EFCAB5: variants seen among roughly 807,000 people sequenced by gnomAD.
EFCAB5 encodes EF-hand calcium-binding domain-containing protein 5.
Under a neutral mutation model 167.9 loss-of-function variants are expected in EFCAB5, and 131 were observed. The ratio of observed to expected loss-of-function variants is 0.78; its 90% CI spans 0.68 to 0.90. EFCAB5 has a LOEUF of 0.90. Ranked by LOEUF, EFCAB5 falls within the 40% of genes least tolerant of loss-of-function variation. The pLI is 0.00. For missense variants in EFCAB5, 1,663 were observed against 1,745.2 expected (o/e 0.95, Z 0.84); for synonymous variants, 574 against 602.8 (o/e 0.95, Z 0.70).
intron 7 of EFCAB5, among the ~76,000 whole-genome samples, chr17:30,021,407 T>G (rs1303669414): frequency 2.0e-5 from 3 of 147,470 alleles, no homozygotes; most frequent in Admixed American, 6.8e-5. Context: ...AGCATGTATT[T>G]GTGTGTTGTT....
chr17:30,012,932 C>T (rs1217673938), intron 7 of EFCAB5, among the ~76,000 whole-genome samples: 2 of 152,188 alleles, frequency 1.3e-5, no homozygotes, highest in Non-Finnish European at 2.9e-5. Context: ...ATGATATTGG[C>T]TGTGGGTTTG....
chr17:30,068,788 C>A (rs1008117338), intron 14 of EFCAB5: 82 of 1,350,498 alleles, frequency 6.1e-5, no homozygotes, highest in Admixed American at 5.6e-4. Flanking sequence ...CAGCCGGGCC[C>A]GCGAAATGAT....
intron 8 of EFCAB5, among the ~76,000 whole-genome samples, chr17:30,050,246 T>G (rs2070050961): frequency 6.6e-6 from 1 of 152,084 alleles, no homozygotes; most frequent in Admixed American, 6.6e-5. Context: ...GTGATTCTCC[T>G]GCCTCAGCCT....
intron 8 of EFCAB5, 138 bp from the exon 9 acceptor site, chr17:30,050,980 G>T: frequency 2.9e-6 from 2 of 678,998 alleles, no homozygotes; most frequent in Non-Finnish European, 2.5e-6. Context: ...TCTTGATTTT[G>T]ATGCTGCAGC....
intron 4 of EFCAB5, among the ~76,000 whole-genome samples, chr17:29,991,614 T>C (rs193085605): frequency 6.6e-6 from 1 of 152,358 alleles, no homozygotes; most frequent in East Asian, 1.9e-4. Flanking sequence ...TGGGCCAGGT[T>C]TCCTTGCCCT....
chr17:29,938,272 TA>T (rs1377808334), upstream of EFCAB5, among the ~76,000 whole-genome samples: 5 of 151,778 alleles, frequency 3.3e-5, no homozygotes, highest in Admixed American at 2.0e-4. Context: ...GGATTATGTC[TA>T]AAAAATGTGC....
intron 4 of EFCAB5, among the ~76,000 whole-genome samples, chr17:29,982,077 T>C (rs2068187621): frequency 2.0e-5 from 3 of 152,224 alleles, no homozygotes; most frequent in Non-Finnish European, 4.4e-5. Flanking sequence ...ATTTCATATA[T>C]GGATTTTTAA....
intron 7 of EFCAB5, among the ~76,000 whole-genome samples, chr17:30,019,634 C>T (rs1490954414): frequency 6.6e-6 from 1 of 151,880 alleles, no homozygotes; most frequent in Non-Finnish European, 1.5e-5. Flanking sequence ...TTAGTAGAGA[C>T]GGGGTTTTCC....
At chr17:30,068,503 A>G in intron 14 of EFCAB5, 1 of 550,798 alleles carries the variant, frequency 1.8e-6, no homozygotes. Context: ...AGAGGACACC[A>G]AAAAATGGAA....
At chr17:29,981,093 CTT>C (rs1211404897) in intron 4 of EFCAB5, among the ~76,000 whole-genome samples, 1 of 152,198 alleles carries the variant, frequency 6.6e-6, no homozygotes, top group Non-Finnish European at 1.5e-5. Flanking sequence ...ATCCAGTTGC[CTT>C]CTTCCAATCT....
intron 22 of EFCAB5, among the ~76,000 whole-genome samples, chr17:30,097,125 C>T (rs937744695): frequency 1.3e-5 from 2 of 150,324 alleles, no homozygotes; most frequent in African/African-American, 4.9e-5. Context: ...GGCGCGATCT[C>T]GGCTCACCGC....
chr17:30,003,389 C>G (rs1014771774), intron 7 of EFCAB5, among the ~76,000 whole-genome samples: 1 of 152,018 alleles, frequency 6.6e-6, no homozygotes, highest in African/African-American at 2.4e-5. Flanking sequence ...TCATGCACCA[C>G]CATATAAGGC....
chr17:30,083,107 G>A (rs1453771005), intron 18 of EFCAB5, 64 bp downstream of exon 18: 5 of 1,500,294 alleles, frequency 3.3e-6, no homozygotes, highest in Non-Finnish European at 4.5e-6. Context: ...GTTATTTCTT[G>A]CTAATATTTG....
rs574739485 is a variant in EFCAB5 at position 30,058,133 on chromosome 17, G to T, written c.2580+243G>T. On this transcript the variant is annotated intron_variant, in intron 13 of 22. Transcript: ENST00000394835. ...CTAGCAGGAGATGGTTTATTGTACA[G>T]CTTTATTCTTTCTCTGAAGCTTTTT... 7.2e-5 allele frequency among the ~76,000 whole-genome samples: 11 copies of T among 152,242 alleles called. No individual in the cohort carries two copies. In the South Asian group the frequency reaches 1.7e-3, roughly 23 times the overall value.
At chr17:30,011,122 T>C (rs2068887779) in intron 7 of EFCAB5, among the ~76,000 whole-genome samples, 1 of 151,892 alleles carries the variant, frequency 6.6e-6, no homozygotes, top group East Asian at 1.9e-4. Context: ...TGTGGATGTG[T>C]GGTGTTATTT....
chr17:30,085,958 C>A (rs1247332092), intron 18 of EFCAB5, among the ~76,000 whole-genome samples: 1 of 152,168 alleles, frequency 6.6e-6, no homozygotes, highest in African/African-American at 2.4e-5. Flanking sequence ...TATGGATCCT[C>A]TTATCATATT....
intron 8 of EFCAB5, among the ~76,000 whole-genome samples, chr17:30,034,692 A>G (rs1330676964): frequency 6.6e-6 from 1 of 152,238 alleles, no homozygotes; most frequent in Non-Finnish European, 1.5e-5. Context: ...GAAGAAAAAA[A>G]TAAGAGAGGG....
rs767680754 is a variant in EFCAB5 at position 30,026,007 on chromosome 17, T to C, written c.1045-8223T>C. 2.6e-4 allele frequency among the ~76,000 whole-genome samples: 38 copies of C among 146,456 alleles called. No homozygotes were observed. In the South Asian group the frequency reaches 2.6e-3, roughly 10 times the overall value. ...ACACAGGAAGGGGAACATCACACTC[T>C]GGGGATTGTTGTGGGGTGGGCGGAG... On this transcript the variant is annotated intron_variant, in intron 7 of 22. Transcript: ENST00000394835.
At chr17:30,021,722 T>C (rs1265952089) in intron 7 of EFCAB5, among the ~76,000 whole-genome samples, 5 of 152,084 alleles carry the variant, frequency 3.3e-5, no homozygotes, top group African/African-American at 1.2e-4. Context: ...AGTTTTTAGT[T>C]ATCTCACCAA....
Sources: allele counts gnomAD v4.1 joint callset (sites outside exome capture counted in the v4.1 genomes callset), GRCh38; gene constraint gnomAD v4.1.1; transcripts MANE v1.5; gene names NCBI Gene and HGNC (gene_info 2026-07-23, HGNC 2026-07-21).